The following CFAP418 variants were observed in gnomAD, a reference collection of about 807,000 sequenced individuals.
The protein encoded by CFAP418 is cilia- and flagella-associated protein 418.
Under a neutral mutation model 24.7 loss-of-function variants are expected in CFAP418, and 27 were observed. That is an observed-to-expected ratio of 1.09 (90% confidence interval 0.81 to 1.51). CFAP418 has a LOEUF of 1.51. Ranked by LOEUF, CFAP418 falls within the 40% of genes most tolerant of loss-of-function variation. CFAP418 has a pLI of 0.00. For missense variants in CFAP418, 257 were observed against 255.2 expected (o/e 1.01, Z -0.05); for synonymous variants, 74 against 87.3 (o/e 0.85, Z 0.85).
chr8:95,263,036 A>G (rs1255900140), intron 2 of CFAP418, among the ~76,000 whole-genome samples: 1 of 152,188 alleles, frequency 6.6e-6, no homozygotes, highest in East Asian at 1.9e-4. Flanking sequence ...GTATGGATGG[A>G]AAGGATAAAT....
rs114732021 is a variant in CFAP418 at position 95,245,806 on chromosome 8, T to G, written c.*1811A>C. ...GCTTACTGGAATAAAAAAGAAAGAA[T>G]TGCACCATTATGAATAATGTGTCAA... On this transcript the variant is annotated 3_prime_UTR_variant, in exon 6 of 6. Coordinates refer to ENST00000286688, the MANE Select transcript of CFAP418 (RefSeq NM_177965.4). The G allele has an allele frequency of 1.3e-5, 2 of 152,126 alleles. No individual in the cohort carries two copies. Among genetic ancestry groups the G allele is most frequent in the African/African-American group, 4.8e-5 (2 of 41,440 alleles). 9.4% of individuals were successfully genotyped at this position (152,126 alleles called of 1,614,324 possible).
chr8:95,263,543 T>C, intron 2 of CFAP418, 144 bp downstream of exon 2: 1 of 529,678 alleles, frequency 1.9e-6, no homozygotes, highest in Non-Finnish European at 3.4e-6. Flanking sequence ...TCTACTGCTC[T>C]TTAAGTGTAA....
Position 95,264,926 on chromosome 8 carries a change from G to A in CFAP418, c.156-1152C>T, listed in dbSNP as rs187488548. 2.6e-5 allele frequency among the ~76,000 whole-genome samples: 4 copies of A among 152,272 alleles called. No homozygotes were observed. In the East Asian group the frequency reaches 7.7e-4, roughly 29 times the overall value. ...TGACTTAGAGGTATGCTCAAGGCTTGCTTCTTCAAAGAGACACTTCAAAAA... is the reference window on the plus strand; with the variant it reads ...TGACTTAGAGGTATGCTCAAGGCTTACTTCTTCAAAGAGACACTTCAAAAA... On this transcript the variant is annotated intron_variant, in intron 1 of 5. Transcript: ENST00000286688.
Position 95,263,676 on chromosome 8 carries a change from A to G in CFAP418, c.243+11T>C, listed in dbSNP as rs772986421. ...GACAGAATTACTACATATTTATAAC[A>G]CTTGACTTACAGAGGGTTTTTTGTC... is the stretch of plus-strand genomic sequence containing the variant. On this transcript the variant is annotated intron_variant, in intron 2 of 5. Transcript: ENST00000286688. 1.1e-5 allele frequency: 17 copies of G among 1,532,130 alleles called. No homozygotes were observed. In the African/African-American group the frequency reaches 2.3e-4, roughly 21 times the overall value. The allele number at this position is 1,532,130 out of a possible 1,614,324, so 94.9% of individuals were successfully genotyped here.
intron 4 of CFAP418, among the ~76,000 whole-genome samples, chr8:95,255,299 G>T (rs867515023): frequency 6.6e-6 from 1 of 152,134 alleles, no homozygotes; most frequent in African/African-American, 2.4e-5. Context: ...TTATGCTCCA[G>T]CATGGCCAGA....
At position 95,257,365 on chromosome 8, in the gene CFAP418, T is replaced by C. The variant is rs777436534; in HGVS notation, c.374+2475A>G. Among the ~76,000 whole-genome samples the C allele has an allele frequency of 7.3e-4, 111 of 152,326 alleles. 1 individual carries two copies. The Middle Eastern group carries it at 0.01, about 14-fold the overall frequency. ...GCTCTAACAGTAGGTAACATTCCAG[T>C]GGATTTATATTAGCCTGTTGGCTGC... On this transcript the variant is annotated intron_variant, in intron 4 of 5. Coordinates refer to ENST00000286688, the MANE Select transcript of CFAP418 (RefSeq NM_177965.4).
In CFAP418 at chr8:95,245,766, T is replaced by C. The variant is rs1476114539; in HGVS notation, c.*1851A>G. 6.6e-6 allele frequency: 1 copy of C among 152,050 alleles called. No homozygotes were observed. The highest frequency in any genetic ancestry group is 2.4e-5 in the African/African-American group (1 of 41,392). The allele number at this position is 152,050 out of a possible 1,614,324, so 9.4% of individuals were successfully genotyped here. A position where few individuals can be genotyped will look rare whatever the true frequency, so the allele number is the denominator to read the frequency against. On this transcript the variant is annotated 3_prime_UTR_variant, in exon 6 of 6. Coordinates refer to ENST00000286688, the MANE Select transcript of CFAP418 (RefSeq NM_177965.4). Reference sequence around the variant, plus strand: ...AAAAAAATTTTTTTTTTCAAATTAGTGATTTAGTAAATTTGCTTACTGGAA... The same window carrying C: ...AAAAAAATTTTTTTTTTCAAATTAGCGATTTAGTAAATTTGCTTACTGGAA...
At chr8:95,251,969 T>C (rs1811715829) in intron 5 of CFAP418, among the ~76,000 whole-genome samples, 2 of 151,968 alleles carry the variant, frequency 1.3e-5, no homozygotes, top group Admixed American at 1.3e-4. Flanking sequence ...TGTCACTAGG[T>C]GATAGGAATT....
At chr8:95,263,267 T>C (rs1208625857) in intron 2 of CFAP418, among the ~76,000 whole-genome samples, 1 of 152,182 alleles carries the variant, frequency 6.6e-6, no homozygotes, top group African/African-American at 2.4e-5. Context: ...CATACAAACA[T>C]TTAAAAAACT....
chr8:95,263,700 T>C lies in CFAP418; in HGVS notation c.230A>G (p.Asp77Gly), dbSNP rs1470794616. ...CACTTGACTTACAGAGGGTTTTTTGTCCAAGTTGGGCTCTTCAAGTATTTC... is the reference window on the plus strand; with the variant it reads ...CACTTGACTTACAGAGGGTTTTTTGCCCAAGTTGGGCTCTTCAAGTATTTC... ...INEILEEPNL[D>G]KKPSKLKSKS... Residue 77 changes from aspartate to glycine, a missense_variant, in exon 2 of 6, where the codon GAC becomes GGC. Coordinates refer to ENST00000286688, the MANE Select transcript of CFAP418 (RefSeq NM_177965.4). The C allele has an allele frequency of 6.2e-7, 1 of 1,602,190 alleles. No homozygotes were observed. The highest frequency in any genetic ancestry group is 8.5e-7 in the Non-Finnish European group (1 of 1,169,970).
At chr8:95,268,124 TCTCATCTTAA>T (rs1812032728) in intron 1 of CFAP418, among the ~76,000 whole-genome samples, 1 of 152,144 alleles carries the variant, frequency 6.6e-6, no homozygotes, top group Admixed American at 6.5e-5. Context: ...ATGAATTTAA[TCTCATCTTAA>T]CTCCCTGAGT....
intron 4 of CFAP418, among the ~76,000 whole-genome samples, chr8:95,256,002 A>G (rs1811781303): frequency 6.6e-6 from 1 of 152,212 alleles, no homozygotes; most frequent in Admixed American, 6.5e-5. Flanking sequence ...ACAGCTGTGC[A>G]GGAGGTAGAA....
intron 4 of CFAP418, among the ~76,000 whole-genome samples, chr8:95,255,225 C>T (rs981826480): frequency 6.6e-6 from 1 of 152,168 alleles, no homozygotes; most frequent in African/African-American, 2.4e-5. Flanking sequence ...GATTACAGGA[C>T]CCTAAGCCAA....
Position 95,246,032 on chromosome 8 carries a change from A to C in CFAP418, c.*1585T>G, listed in dbSNP as rs1291316141. 1 of 151,066 alleles carries C rather than the reference A, an allele frequency of 6.6e-6. No homozygotes were observed. Among genetic ancestry groups the C allele is most frequent in the East Asian group, 1.9e-4 (1 of 5,148 alleles). The allele number at this position is 151,066 out of a possible 1,614,324, so 9.4% of individuals were successfully genotyped here. ...GAGACAGAGTCTCACTGTGTTGTCC[A>C]GGCTGGAGCGCAGTGGCGCGACCTT... On this transcript the variant is annotated 3_prime_UTR_variant, in exon 6 of 6. Transcript: ENST00000286688.
intron 1 of CFAP418, among the ~76,000 whole-genome samples, chr8:95,264,778 A>C (rs147035826): frequency 6.6e-6 from 1 of 152,216 alleles, no homozygotes; most frequent in Admixed American, 6.5e-5. Context: ...TTAACCTGAT[A>C]TAAGAAAAGC....
chr8:95,249,574 A>G (rs1371475777), intron 5 of CFAP418, among the ~76,000 whole-genome samples: 1 of 152,220 alleles, frequency 6.6e-6, no homozygotes, highest in East Asian at 1.9e-4. Context: ...GATCCTTTCA[A>G]TCTGGGAAGT....
At chr8:95,268,912 C>A (rs1241289563) in intron 1 of CFAP418, 123 bp downstream of exon 1, 3 of 1,099,624 alleles carry the variant, frequency 2.7e-6, no homozygotes, top group Non-Finnish European at 3.9e-6. Flanking sequence ...AGGGTCTGAA[C>A]CCTGATGCAA....
In CFAP418 at chr8:95,252,181, A is replaced by G; in HGVS notation, c.470+7T>C. On this transcript the variant is annotated splice_region_variant and intron_variant, in intron 5 of 5. Coordinates refer to ENST00000286688, the MANE Select transcript of CFAP418 (RefSeq NM_177965.4). ...TTTTTTCAGAGTGAAGTTCTTTAGC[A>G]ACATACCTGAAAAACAGATAATCAC... The G allele has an allele frequency of 6.2e-7, 1 of 1,600,086 alleles. No homozygotes were observed. The highest frequency in any genetic ancestry group is 8.5e-7 in the Non-Finnish European group (1 of 1,170,000).
chr8:95,246,307 A>G lies in CFAP418; in HGVS notation c.*1310T>C, dbSNP rs1024704383. The G allele has an allele frequency of 6.6e-6, 1 of 152,214 alleles. No homozygotes were observed. Among genetic ancestry groups the G allele is most frequent in the Non-Finnish European group, 1.5e-5 (1 of 68,040 alleles). 9.4% of individuals were successfully genotyped at this position (152,214 alleles called of 1,614,324 possible). A position where few individuals can be genotyped will look rare whatever the true frequency, so the allele number is the denominator to read the frequency against. On this transcript the variant is annotated 3_prime_UTR_variant, in exon 6 of 6. Transcript: ENST00000286688. ...CTTAGTCTGTCATAATATCCTTAATACAAAAGTGTGAGGATTGGCCATTAT... is the reference window on the plus strand; with the variant it reads ...CTTAGTCTGTCATAATATCCTTAATGCAAAAGTGTGAGGATTGGCCATTAT...
Sources: gnomAD v4.1 joint callset for allele counts (sites outside exome capture counted in the v4.1 genomes callset) on GRCh38, gnomAD v4.1.1 for gene constraint, MANE v1.5 for transcripts, NCBI Gene and HGNC (gene_info 2026-07-23, HGNC 2026-07-21) for gene names.